The following NRDC variants were observed in gnomAD, a reference collection of about 807,000 sequenced individuals.
The protein encoded by NRDC is nardilysin.
In NRDC, 54 loss-of-function variants were observed where a neutral mutation model predicts 147.1. The ratio of observed to expected loss-of-function variants is 0.37; its 90% CI spans 0.29 to 0.46. The LOEUF (loss-of-function observed/expected upper bound fraction) is 0.46. Ranked by LOEUF, NRDC falls within the 20% of genes least tolerant of loss-of-function variation. NRDC has a pLI of 1.00. For synonymous variants in NRDC, 440 were observed against 482.1 expected (o/e 0.91, Z 1.14); for missense variants, 1,082 against 1,370.6 (o/e 0.79, Z 3.33).
At chr1:51,834,205 A>C (rs1680839973) in intron 3 of NRDC, 35 bp from the exon 4 acceptor site, 2 of 1,603,456 alleles carry the variant, frequency 1.2e-6, no homozygotes, top group Non-Finnish European at 1.7e-6. Flanking sequence ...CACAACACAA[A>C]GATATAGAAA....
chr1:51,820,772 C>T (rs186914765), intron 8 of NRDC, among the ~76,000 whole-genome samples: 39 of 152,084 alleles, frequency 2.6e-4, no homozygotes, highest in African/African-American at 9.4e-4. Flanking sequence ...CACAGGTTAC[C>T]CATCTGATGC....
At chr1:51,811,726 T>C (rs1679725169) in intron 15 of NRDC, among the ~76,000 whole-genome samples, 1 of 152,204 alleles carries the variant, frequency 6.6e-6, no homozygotes, top group Non-Finnish European at 1.5e-5. Flanking sequence ...ACTTCATCTA[T>C]TGCAGTAGAT....
At chr1:51,877,948 C>T (rs1256253755) in intron 1 of NRDC, 10 of 1,054,160 alleles carry the variant, frequency 9.5e-6, no homozygotes, top group Non-Finnish European at 9.5e-6. Flanking sequence ...ACTCCGTCAA[C>T]CTTTCCTGGT....
At chr1:51,814,847 T>C in intron 11 of NRDC, 34 bp from the exon 12 acceptor site, 1 of 1,543,140 alleles carries the variant, frequency 6.5e-7, no homozygotes, top group Non-Finnish European at 8.7e-7. Flanking sequence ...CCAATCAATG[T>C]TCCTGGATTG....
At chr1:51,845,651 A>C (rs1681522631) in intron 1 of NRDC, among the ~76,000 whole-genome samples, 2 of 152,212 alleles carry the variant, frequency 1.3e-5, no homozygotes, top group Admixed American at 6.5e-5. Context: ...TTCTCTGACC[A>C]CACTACCTAA....
chr1:51,797,235 T>C (rs1240882209), intron 22 of NRDC, among the ~76,000 whole-genome samples: 1 of 152,040 alleles, frequency 6.6e-6, no homozygotes, highest in Admixed American at 6.6e-5. Flanking sequence ...TAATGTTAAC[T>C]ATATTCACAC....
chr1:51,802,825 T>A (rs753252956), intron 20 of NRDC, among the ~76,000 whole-genome samples: 1 of 152,150 alleles, frequency 6.6e-6, no homozygotes, highest in Non-Finnish European at 1.5e-5. Context: ...ATTTTTCTTG[T>A]ATAACCCTAT....
intron 10 of NRDC, among the ~76,000 whole-genome samples, chr1:51,817,085 TGA>T (rs1385108751): frequency 6.6e-6 from 1 of 152,182 alleles, no homozygotes; most frequent in Non-Finnish European, 1.5e-5. Flanking sequence ...AGAAAAAAAT[TGA>T]GTTTTCTGTA....
intron 1 of NRDC, among the ~76,000 whole-genome samples, chr1:51,868,041 T>C (rs1445965794): frequency 6.6e-6 from 1 of 151,814 alleles, no homozygotes; most frequent in African/African-American, 2.4e-5. Flanking sequence ...ACATAAAAGG[T>C]GTAAGGAGAT....
intron 25 of NRDC, 31 bp from the exon 26 acceptor site, chr1:51,792,129 ACTC>A (rs1678686326): frequency 1.2e-6 from 2 of 1,612,464 alleles, no homozygotes; most frequent in Admixed American, 1.7e-5. Context: ...CATCAGCCCA[ACTC>A]CTCCCAGCAG....
At chr1:51,846,544 T>G (rs1174407031) in intron 1 of NRDC, among the ~76,000 whole-genome samples, 1 of 152,152 alleles carries the variant, frequency 6.6e-6, no homozygotes, top group Non-Finnish European at 1.5e-5. Context: ...AAGCGGCTTG[T>G]TTGGAGTTTG....
At chr1:51,795,039 A>G in intron 22 of NRDC, 185 bp from the exon 23 acceptor site, 1 of 1,468,322 alleles carries the variant, frequency 6.8e-7, no homozygotes, top group Non-Finnish European at 9.1e-7. Context: ...TGTTTGTGGA[A>G]CACTAAGCAG....
At chr1:51,850,251 C>A (rs1179371347) in intron 1 of NRDC, among the ~76,000 whole-genome samples, 1 of 152,028 alleles carries the variant, frequency 6.6e-6, no homozygotes, top group African/African-American at 2.4e-5. Flanking sequence ...GAAGTACTAA[C>A]AGGAACACCA....
In NRDC at chr1:51,850,111, A is replaced by C. The variant is rs143653530; in HGVS notation, c.342-9597T>G. On this transcript the variant is annotated intron_variant, in intron 1 of 30. Coordinates refer to ENST00000352171, the MANE Select transcript of NRDC (RefSeq NM_001101662.2). ...AGAATCACTTGAACCCAGGAGGCGG[A>C]GGTTGCAGTGAGCCAAGATTACACC... Among the ~76,000 whole-genome samples the C allele has an allele frequency of 6.9e-3, 1,047 of 152,044 alleles. 11 individuals are homozygous for C. The highest frequency in any genetic ancestry group is 0.024 in the African/African-American group (1,001 of 41,472).
chr1:51,815,691 CTTAT>C (rs924781602), intron 11 of NRDC, among the ~76,000 whole-genome samples: 29 of 152,294 alleles, frequency 1.9e-4, no homozygotes, highest in African/African-American at 6.7e-4. Context: ...CTTAAAAATA[CTTAT>C]TTAAATGTCT....
intron 1 of NRDC, among the ~76,000 whole-genome samples, chr1:51,849,803 G>A (rs890222147): frequency 2.0e-5 from 3 of 151,850 alleles, no homozygotes; most frequent in Non-Finnish European, 2.9e-5. Context: ...GCGACAGAGC[G>A]AGACTCTGTC....
chr1:51,860,270 T>G (rs952912590), intron 1 of NRDC: 1 of 153,542 alleles, frequency 6.5e-6, no homozygotes, highest in Non-Finnish European at 1.5e-5. Context: ...TTAGATAGGG[T>G]TGATTTTCCC....
At chr1:51,835,873 G>A (rs1401315309) in intron 3 of NRDC, among the ~76,000 whole-genome samples, 3 of 152,196 alleles carry the variant, frequency 2.0e-5, no homozygotes, top group East Asian at 1.9e-4. Flanking sequence ...CTCCTGATCC[G>A]TTGGCCTTAA....
chr1:51,845,319 G>A (rs537933859), intron 1 of NRDC, among the ~76,000 whole-genome samples: 2 of 152,162 alleles, frequency 1.3e-5, no homozygotes, highest in African/African-American at 4.8e-5. Context: ...TGGCCCGGCC[G>A]CAGTGGCTCA....
Sources: gnomAD v4.1 joint callset for allele counts (sites outside exome capture counted in the v4.1 genomes callset) on GRCh38, gnomAD v4.1.1 for gene constraint, MANE v1.5 for transcripts, NCBI Gene and HGNC (gene_info 2026-07-23, HGNC 2026-07-21) for gene names.